SNRPD3: variants seen among roughly 807,000 people sequenced by gnomAD.
SNRPD3 encodes small nuclear ribonucleoprotein Sm D3.
For synonymous variants in SNRPD3, 66 were observed against 58.4 expected (o/e 1.13, Z -0.59); for missense variants, 73 against 167.5 (o/e 0.44, Z 3.11).
At chr22:24,569,582 C>G (rs2045229396) in intron 3 of SNRPD3, among the ~76,000 whole-genome samples, 1 of 152,174 alleles carries the variant, frequency 6.6e-6, no homozygotes, top group Admixed American at 6.5e-5. Flanking sequence ...AGTTCTGACA[C>G]TATCTACCTG....
chr22:24,574,760 T>G lies in SNRPD3; in HGVS notation c.*2783T>G, dbSNP rs920661007. On this transcript the variant is annotated 3_prime_UTR_variant, in exon 4 of 4. Transcript: ENST00000215829. ...TTTTGCCATGTTGCCCAAGCTGGTC[T>G]TGAACTCCGGGGCTCAAGTGATCTG... Among the ~76,000 whole-genome samples, 2 of 152,176 alleles carry G rather than the reference T, an allele frequency of 1.3e-5. No individual in the cohort carries two copies. Among genetic ancestry groups the G allele is most frequent in the Admixed American group, 6.5e-5 (1 of 15,276 alleles).
chr22:24,559,195 T>C (rs1294554179), intron 2 of SNRPD3, among the ~76,000 whole-genome samples: 1 of 152,216 alleles, frequency 6.6e-6, no homozygotes, highest in Non-Finnish European at 1.5e-5. Context: ...GTGATTTTTC[T>C]GTAGCTTTGA....
At chr22:24,556,592 C>G (rs887375855) in intron 1 of SNRPD3, among the ~76,000 whole-genome samples, 2 of 152,240 alleles carry the variant, frequency 1.3e-5, no homozygotes, top group Admixed American at 6.5e-5. Context: ...CACACTGTTG[C>G]AGCAGTTTTA....
At chr22:24,566,024 A>T (rs1273076213) in intron 2 of SNRPD3, among the ~76,000 whole-genome samples, 1 of 152,204 alleles carries the variant, frequency 6.6e-6, no homozygotes, top group Non-Finnish European at 1.5e-5. Context: ...TAGTCTGACC[A>T]TAAACCTGGC....
At position 24,572,010 on chromosome 22, in the gene SNRPD3, T is replaced by A; in HGVS notation, c.*33T>A. On this transcript the variant is annotated 3_prime_UTR_variant, in exon 4 of 4. Coordinates refer to ENST00000215829, the MANE Select transcript of SNRPD3 (RefSeq NM_004175.5). ...AGTTGAACAGAACTTTGTCCTTTTTTCTTTCAGGTTATCTGAGTTCATTGG... is the reference window on the plus strand; with the variant it reads ...AGTTGAACAGAACTTTGTCCTTTTTACTTTCAGGTTATCTGAGTTCATTGG... 6.2e-7 allele frequency: 1 copy of A among 1,612,768 alleles called. No homozygotes were observed. The highest frequency in any genetic ancestry group is 8.5e-7 in the Non-Finnish European group (1 of 1,179,096).
intron 3 of SNRPD3, among the ~76,000 whole-genome samples, chr22:24,571,310 T>G (rs2045247793): frequency 6.6e-6 from 1 of 152,178 alleles, no homozygotes; most frequent in African/African-American, 2.4e-5. Flanking sequence ...GACCACCTTC[T>G]TTGCCCTCAG....
In SNRPD3 at chr22:24,572,044, C is replaced by T. The variant is rs1569028495; in HGVS notation, c.*67C>T. On this transcript the variant is annotated 3_prime_UTR_variant, in exon 4 of 4. Transcript: ENST00000215829. ...TTATCTGAGTTCATTGGAGTGGGTGCTTGTGCATATATGCTAGGTATCTTT... is the reference window on the plus strand; with the variant it reads ...TTATCTGAGTTCATTGGAGTGGGTGTTTGTGCATATATGCTAGGTATCTTT... 2 of 1,602,754 alleles carry T rather than the reference C, an allele frequency of 1.2e-6. No homozygotes were observed. The highest frequency in any genetic ancestry group is 8.5e-7 in the Non-Finnish European group (1 of 1,174,142).
At chr22:24,571,423 G>A (rs988521440) in intron 3 of SNRPD3, among the ~76,000 whole-genome samples, 3 of 151,938 alleles carry the variant, frequency 2.0e-5, no homozygotes, top group African/African-American at 7.2e-5. Flanking sequence ...CTGCCCCTCC[G>A]TCTCCATCCC....
chr22:24,564,228 C>T (rs1299490459), intron 2 of SNRPD3, among the ~76,000 whole-genome samples: 1 of 152,174 alleles, frequency 6.6e-6, no homozygotes. Flanking sequence ...AGGCCTGAGA[C>T]ACCCCAACAC....
Position 24,571,904 on chromosome 22 carries a change from C to T in SNRPD3, c.320-12C>T. The T allele has an allele frequency of 6.2e-7, 1 of 1,614,074 alleles. No homozygotes were observed. Among genetic ancestry groups the T allele is most frequent in the Non-Finnish European group, 8.5e-7 (1 of 1,179,948 alleles). On this transcript the variant is annotated splice_polypyrimidine_tract_variant and intron_variant, in intron 3 of 3. Coordinates refer to ENST00000215829, the MANE Select transcript of SNRPD3 (RefSeq NM_004175.5). ...ACACTGACCTGGCCTCATATTTTCT[C>T]TTCCCTTTCAGTGGCCGCAAGAGGA...
At chr22:24,563,206 A>ATGTGTGTGTGTGTG (rs1177387267) in intron 2 of SNRPD3, among the ~76,000 whole-genome samples, 11 of 106,256 alleles carry the variant, frequency 1.0e-4, no homozygotes, top group African/African-American at 2.8e-4. Flanking sequence ...TGTCTCATAT[A>ATGTGTGTGTGTGTG]TGTGTGTGTG....
At chr22:24,565,624 G>A (rs936137013) in intron 2 of SNRPD3, among the ~76,000 whole-genome samples, 8 of 152,158 alleles carry the variant, frequency 5.3e-5, no homozygotes, top group African/African-American at 1.9e-4. Context: ...AGTCATGAGT[G>A]TGGCACAGTC....
At chr22:24,560,193 T>C (rs1020620424) in intron 2 of SNRPD3, among the ~76,000 whole-genome samples, 3 of 59,870 alleles carry the variant, frequency 5.0e-5, no homozygotes, top group African/African-American at 1.1e-4. Flanking sequence ...CTTGGCTCAC[T>C]GCAACCTCTG....
At chr22:24,557,631 A>T (rs1416944822) in intron 1 of SNRPD3, 26 bp from the exon 2 acceptor site, 5 of 1,586,098 alleles carry the variant, frequency 3.2e-6, no homozygotes, top group Non-Finnish European at 4.3e-6. Context: ...TGAAAGATGA[A>T]CTGACTGTTG....
intron 3 of SNRPD3, among the ~76,000 whole-genome samples, chr22:24,569,701 A>G (rs1005240376): frequency 1.3e-5 from 2 of 152,226 alleles, no homozygotes; most frequent in African/African-American, 4.8e-5. Flanking sequence ...AATGGCTTCA[A>G]GCCAGGGTTC....
chr22:24,570,554 G>A (rs2045239859), intron 3 of SNRPD3, among the ~76,000 whole-genome samples: 3 of 152,004 alleles, frequency 2.0e-5, no homozygotes, highest in Admixed American at 1.3e-4. Flanking sequence ...ATGGTGGCAG[G>A]TCCCTGTAGT....
chr22:24,561,009 G>A (rs2045135937), intron 2 of SNRPD3, among the ~76,000 whole-genome samples: 1 of 148,016 alleles, frequency 6.8e-6, no homozygotes, highest in Non-Finnish European at 1.5e-5. Context: ...AAAGTGCTAG[G>A]ATTACAGGCA....
chr22:24,571,227 A>G (rs542993705), intron 3 of SNRPD3, among the ~76,000 whole-genome samples: 12 of 152,336 alleles, frequency 7.9e-5, no homozygotes, highest in African/African-American at 2.6e-4. Context: ...GAAAAAATTA[A>G]TTCAGTGCAT....
At chr22:24,567,362 T>G (rs2045205736) in intron 2 of SNRPD3, among the ~76,000 whole-genome samples, 1 of 152,248 alleles carries the variant, frequency 6.6e-6, no homozygotes, top group Non-Finnish European at 1.5e-5. Context: ...GCCAGGGCTC[T>G]GAAGCTAGGC....
Sources: gnomAD v4.1 joint callset for allele counts (sites outside exome capture counted in the v4.1 genomes callset) on GRCh38, gnomAD v4.1.1 for gene constraint, MANE v1.5 for transcripts, NCBI Gene and HGNC (gene_info 2026-07-23, HGNC 2026-07-21) for gene names.